Variants in RAI14 observed in about 807,000 individuals in gnomAD.
The protein encoded by RAI14 is retinoic acid induced 14.
A neutral mutation model predicts 115.4 loss-of-function variants in RAI14; 45 were observed. That is an observed-to-expected ratio of 0.39 (90% CI 0.31 to 0.50). The LOEUF (loss-of-function observed/expected upper bound fraction) is 0.50, where lower values mean the gene tolerates loss of function less well. Among genes scored for constraint, RAI14 ranks in the 20% least tolerant of loss-of-function variants. The probability of loss-of-function intolerance (pLI) is 0.85; values close to 1 mark genes in which losing one functional copy is unlikely to be tolerated. For missense variants in RAI14, 939 were observed against 1,131.2 expected, an observed-to-expected ratio of 0.83 and a Z score of 2.44; for synonymous variants, 371 against 415.4, an observed-to-expected ratio of 0.89 and a Z score of 1.30.
At position 34,663,805 on chromosome 5, in the gene RAI14, A is replaced by T. The variant is rs532995754; in HGVS notation, c.-49+7330A>T. Among the ~76,000 whole-genome samples the T allele has an allele frequency of 1.8e-4, 27 of 152,366 alleles. No homozygotes were observed. In the East Asian group the frequency reaches 4.2e-3, roughly 24 times the overall value. On this transcript the variant is annotated intron_variant, in intron 1 of 17. Transcript: ENST00000265109. The stretch of plus-strand genomic sequence containing the variant: ...AGGCAGAAATCAGCAACAAAGTGCG[A>T]AGTCGAAGTTCAGAAGATGTGAAAG...
chr5:34,693,803 C>T (rs978470209), intron 2 of RAI14, among the ~76,000 whole-genome samples: 11 of 152,320 alleles, frequency 7.2e-5, no homozygotes, highest in Non-Finnish European at 1.2e-4. Context: ...TACACTGTTG[C>T]TCTAAGCTTA....
intron 7 of RAI14, 110 bp downstream of exon 7, chr5:34,808,764 G>C: frequency 9.9e-7 from 1 of 1,014,750 alleles, no homozygotes; most frequent in East Asian, 2.5e-5. Context: ...AACCTTTTTG[G>C]CATCAGGGGC....
intron 3 of RAI14, among the ~76,000 whole-genome samples, chr5:34,792,325 C>T (rs1003315835): frequency 2.7e-5 from 4 of 150,544 alleles, no homozygotes; most frequent in African/African-American, 9.8e-5. Flanking sequence ...GCTCCGCCTC[C>T]CTGGTTCACA....
intron 2 of RAI14, chr5:34,687,480 C>A: frequency 1.7e-6 from 2 of 1,187,712 alleles, no homozygotes; most frequent in Non-Finnish European, 2.2e-6. Flanking sequence ...TGTTATCTAA[C>A]CAATCCATAA....
intron 3 of RAI14, among the ~76,000 whole-genome samples, chr5:34,774,739 C>T (rs1750629930): frequency 6.9e-6 from 1 of 144,408 alleles, no homozygotes; most frequent in South Asian, 2.3e-4. Context: ...ATACCAATGA[C>T]ATTTTTCACA....
intron 3 of RAI14, among the ~76,000 whole-genome samples, chr5:34,795,008 T>C (rs369632793): frequency 6.6e-6 from 1 of 152,214 alleles, no homozygotes; most frequent in East Asian, 1.9e-4. Flanking sequence ...AGAAGGCTCA[T>C]TAACCTCTCT....
At chr5:34,788,629 T>C (rs1178702621) in intron 3 of RAI14, among the ~76,000 whole-genome samples, 4 of 152,212 alleles carry the variant, frequency 2.6e-5, no homozygotes, top group African/African-American at 9.6e-5. Flanking sequence ...ATCAAAATGA[T>C]ACCATACTTG....
intron 2 of RAI14, among the ~76,000 whole-genome samples, chr5:34,700,803 T>A (rs764897601): frequency 1.8e-4 from 28 of 152,218 alleles, no homozygotes; most frequent in Non-Finnish European, 4.0e-4. Context: ...TTATTTTGTA[T>A]CTATAGCTCA....
chr5:34,683,990 G>A (rs1308034116), intron 1 of RAI14, among the ~76,000 whole-genome samples: 2 of 152,196 alleles, frequency 1.3e-5, no homozygotes, highest in East Asian at 1.9e-4. Context: ...GCCTCCCAAA[G>A]TGCTGGGATT....
chr5:34,686,794 C>T, intron 1 of RAI14, 78 bp from the exon 2 acceptor site: 1 of 903,280 alleles, frequency 1.1e-6, no homozygotes, highest in Non-Finnish European at 1.7e-6. Flanking sequence ...GTCTCCTTCC[C>T]ATGACCCAAG....
intron 2 of RAI14, among the ~76,000 whole-genome samples, chr5:34,741,375 G>T (rs1745488668): frequency 6.6e-6 from 1 of 152,204 alleles, no homozygotes; most frequent in East Asian, 1.9e-4. Context: ...CAGAATCCAG[G>T]CTCTTAGCCC....
chr5:34,818,559 T>C (rs1407015415), intron 12 of RAI14, among the ~76,000 whole-genome samples: 1 of 152,212 alleles, frequency 6.6e-6, no homozygotes, highest in African/African-American at 2.4e-5. Flanking sequence ...CTGAAAAATA[T>C]TTAGAGAATA....
chr5:34,753,314 T>A (rs1477937993), intron 2 of RAI14, among the ~76,000 whole-genome samples: 1 of 152,244 alleles, frequency 6.6e-6, no homozygotes, highest in African/African-American at 2.4e-5. Context: ...TGACCAGCTC[T>A]ACTTTTGGAC....
At chr5:34,756,062 T>G (rs891710557) in intron 2 of RAI14, among the ~76,000 whole-genome samples, 5 of 152,290 alleles carry the variant, frequency 3.3e-5, no homozygotes, top group African/African-American at 9.6e-5. Flanking sequence ...TCCTAAAAAC[T>G]GGGAATGGTT....
intron 1 of RAI14, among the ~76,000 whole-genome samples, chr5:34,669,152 GC>G (rs1358919275): frequency 6.6e-6 from 1 of 152,200 alleles, no homozygotes; most frequent in African/African-American, 2.4e-5. Flanking sequence ...ACCACACCCA[GC>G]CAGTAATTAG....
chr5:34,796,054 A>T, intron 4 of RAI14, 27 bp downstream of exon 4: 2 of 1,542,114 alleles, frequency 1.3e-6, no homozygotes, highest in Non-Finnish European at 1.8e-6. Context: ...CTCTTAAGTC[A>T]GCAGGCCAGC....
chr5:34,814,067 T>C (rs1325892728), intron 11 of RAI14, among the ~76,000 whole-genome samples: 2 of 152,222 alleles, frequency 1.3e-5, no homozygotes, highest in East Asian at 3.8e-4. Flanking sequence ...AAAACATTGC[T>C]GCAATACATT....
chr5:34,823,141 A>C lies in RAI14; in HGVS notation c.1299A>C (p.Gln433His). Reference sequence around the variant, plus strand: ...CTGACAATGATGTCAGAATTCAGCAACTGCAAGAGATTTTGCAAGATCTAC... The same window carrying C: ...CTGACAATGATGTCAGAATTCAGCACCTGCAAGAGATTTTGCAAGATCTAC... ...STTDNDVRIQ[Q>H]LQEILQDLQK... Residue 433 changes from glutamine (Q) to histidine (H), a missense_variant, in exon 15 of 18, where the codon CAA becomes CAC. Gln to His is a conservative substitution (Grantham distance 24). Transcript: ENST00000265109. This position sits in a 1 kb window ranked among gnomAD's most constrained non-coding sequence, Gnocchi z 4.5. 6.2e-7 allele frequency: 1 copy of C among 1,612,906 alleles called. No individual in the cohort carries two copies. Among genetic ancestry groups the C allele is most frequent in the Non-Finnish European group, 8.5e-7 (1 of 1,178,904 alleles).
chr5:34,781,476 G>A (rs145954031), intron 3 of RAI14, among the ~76,000 whole-genome samples: 337 of 152,294 alleles, frequency 2.2e-3, no homozygotes, highest in Non-Finnish European at 3.8e-3. Flanking sequence ...GATTTCAGCT[G>A]ATAATTAACC....
Sources: gnomAD v4.1 joint callset for allele counts (sites outside exome capture counted in the v4.1 genomes callset) on GRCh38, gnomAD v4.1.1 for gene constraint, Gnocchi (gnomAD v3.1) non-coding constraint, MANE v1.5 for transcripts, NCBI Gene and HGNC (gene_info 2026-07-23, HGNC 2026-07-21) for gene names.